Variants in MAPK10 observed in about 807,000 individuals in gnomAD.
The protein encoded by MAPK10 is mitogen-activated protein kinase 10.
A neutral mutation model predicts 59.3 loss-of-function variants in MAPK10; 25 were observed. The ratio of observed to expected loss-of-function variants is 0.42; its 90% CI spans 0.31 to 0.59. The LOEUF (loss-of-function observed/expected upper bound fraction) is 0.59, where lower values mean the gene tolerates loss of function less well. Among genes scored for constraint, MAPK10 ranks in the 20% least tolerant of loss-of-function variants. The probability of loss-of-function intolerance (pLI) is 0.15; values close to 1 mark genes in which losing one functional copy is unlikely to be tolerated. For missense variants in MAPK10, 351 were observed against 568.9 expected, an observed-to-expected ratio of 0.62 and a Z score of 3.90; for synonymous variants, 190 against 200.5, an observed-to-expected ratio of 0.95 and a Z score of 0.44.
At chr4:86,353,789 A>C (rs1054207511) in intron 2 of MAPK10, among the ~76,000 whole-genome samples, 3 of 152,140 alleles carry the variant, frequency 2.0e-5, no homozygotes, top group Non-Finnish European at 2.9e-5. Flanking sequence ...GGAGTCTTAT[A>C]AGCACCACAG....
intron 2 of MAPK10, chr4:86,219,837 G>A (rs1008209353): frequency 2.6e-5 from 4 of 152,074 alleles, no homozygotes; most frequent in African/African-American, 9.7e-5. Context: ...ACCAAAGCAA[G>A]TTATAGTTAT....
chr4:86,284,615 A>G (rs1218226971), intron 2 of MAPK10, among the ~76,000 whole-genome samples: 1 of 152,210 alleles, frequency 6.6e-6, no homozygotes, highest in Non-Finnish European at 1.5e-5. Context: ...GTTTATTATA[A>G]ACAAGATCTA....
intron 4 of MAPK10, among the ~76,000 whole-genome samples, chr4:86,121,904 C>T (rs1430562104): frequency 6.6e-6 from 1 of 152,120 alleles, no homozygotes; most frequent in Non-Finnish European, 1.5e-5. Context: ...CACTGGTAAC[C>T]ACCATTCTAT....
chr4:86,072,097 A>G (rs2048144863), intron 9 of MAPK10, among the ~76,000 whole-genome samples: 1 of 149,860 alleles, frequency 6.7e-6, no homozygotes, highest in South Asian at 2.1e-4. Context: ...CTCCTTGAAG[A>G]GGTCCTTCAC....
chr4:86,452,197 C>T (rs1406894610), intron 1 of MAPK10, among the ~76,000 whole-genome samples: 6 of 152,106 alleles, frequency 3.9e-5, no homozygotes, highest in African/African-American at 1.2e-4. Context: ...AGAACTAAAG[C>T]CATGGTTAGG....
At chr4:86,580,894 C>A (rs948143706) in intron 1 of MAPK10, among the ~76,000 whole-genome samples, 3 of 152,118 alleles carry the variant, frequency 2.0e-5, no homozygotes, top group African/African-American at 7.2e-5. Flanking sequence ...TCTCTACTTC[C>A]TGCGGATAAA....
intron 1 of MAPK10, among the ~76,000 whole-genome samples, chr4:86,498,129 A>AT (rs1419640246): frequency 6.6e-6 from 1 of 152,232 alleles, no homozygotes; most frequent in Non-Finnish European, 1.5e-5. Context: ...CAGTGGCCTT[A>AT]TGCCACAGTT....
chr4:86,303,908 T>G (rs1052045800), intron 2 of MAPK10, among the ~76,000 whole-genome samples: 1 of 152,186 alleles, frequency 6.6e-6, no homozygotes, highest in African/African-American at 2.4e-5. Flanking sequence ...TACGAAATCA[T>G]AGAATAGTCT....
chr4:86,475,968 T>C (rs972071980), intron 1 of MAPK10, among the ~76,000 whole-genome samples: 4 of 152,102 alleles, frequency 2.6e-5, no homozygotes, highest in Non-Finnish European at 5.9e-5. Flanking sequence ...TCGACAGTGG[T>C]TCCAAATAGC....
chr4:86,205,990 G>A (rs1010059701), intron 2 of MAPK10, among the ~76,000 whole-genome samples: 2 of 151,546 alleles, frequency 1.3e-5, no homozygotes, highest in South Asian at 2.1e-4. Context: ...ATTGGCATAC[G>A]AATTGAAAAA....
rs550221992 is a variant in MAPK10, at chr4:86,260,892, G to A, written c.-6-66485C>T. Among the ~76,000 whole-genome samples, 22 of 152,188 alleles carry A rather than the reference G, an allele frequency of 1.4e-4. No individual in the cohort carries two copies. In the East Asian group the frequency reaches 4.2e-3, roughly 29 times the overall value. ...TACTATGCAAGGCATTGCATTATAT[G>A]CTGTGGATGCAATGAAGAGATAAAC... On this transcript the variant is annotated intron_variant, in intron 2 of 13. Transcript: ENST00000641462.
chr4:86,590,471 G>A (rs1487198733), intron 1 of MAPK10, among the ~76,000 whole-genome samples: 1 of 152,052 alleles, frequency 6.6e-6, no homozygotes, highest in African/African-American at 2.4e-5. Flanking sequence ...AAAGTATCCT[G>A]TTGGACATTT....
rs77372610 is a variant in MAPK10, at chr4:86,541,439, G to A, written c.-263+52471C>T. Among the ~76,000 whole-genome samples, 912 of 152,238 alleles carry A rather than the reference G, an allele frequency of 6.0e-3. 13 individuals are homozygous for A. The highest frequency in any genetic ancestry group is 0.02 in the African/African-American group (850 of 41,532). On this transcript the variant is annotated intron_variant, in intron 1 of 4. Coordinates refer to the MAPK10 transcript ENST00000502302. ...GCCTTCCTTGCAGCAGGGTGGTAGCGTGAGCTTTTTCTATTCCCAAAGACC... is the reference window on the plus strand; with the variant it reads ...GCCTTCCTTGCAGCAGGGTGGTAGCATGAGCTTTTTCTATTCCCAAAGACC...
At chr4:86,128,267 G>A (rs1317041290) in intron 4 of MAPK10, among the ~76,000 whole-genome samples, 1 of 152,044 alleles carries the variant, frequency 6.6e-6, no homozygotes, top group East Asian at 1.9e-4. Context: ...AAAACCATAT[G>A]AAGTAAGTAT....
At chr4:86,505,193 C>T (rs1227910523) in intron 1 of MAPK10, among the ~76,000 whole-genome samples, 1 of 152,116 alleles carries the variant, frequency 6.6e-6, no homozygotes, top group Non-Finnish European at 1.5e-5. Context: ...ATTTAATACA[C>T]ATTTTTTCAA....
chr4:86,385,764 C>G (rs991656797), intron 1 of MAPK10, among the ~76,000 whole-genome samples: 1 of 152,116 alleles, frequency 6.6e-6, no homozygotes, highest in Non-Finnish European at 1.5e-5. Flanking sequence ...ACCCAACACT[C>G]CATTAAAATT....
intron 3 of MAPK10, among the ~76,000 whole-genome samples, chr4:86,183,239 G>C (rs993425418): frequency 6.6e-6 from 1 of 151,792 alleles, no homozygotes; most frequent in African/African-American, 2.4e-5. Flanking sequence ...GCTGCACTCA[G>C]TAACTCGTCA....
At chr4:86,295,793 T>A (rs747161825) in intron 2 of MAPK10, among the ~76,000 whole-genome samples, 1 of 147,512 alleles carries the variant, frequency 6.8e-6, no homozygotes, top group Non-Finnish European at 1.5e-5. Flanking sequence ...TTCTCTATAT[T>A]TCCCATCCTC....
chr4:86,383,800 A>C (rs1326820594), intron 1 of MAPK10, among the ~76,000 whole-genome samples: 1 of 152,208 alleles, frequency 6.6e-6, no homozygotes, highest in Middle Eastern at 3.2e-3. Flanking sequence ...CATTTACAAA[A>C]AGAAAACTTA....
Sources: allele counts gnomAD v4.1 joint callset (sites outside exome capture counted in the v4.1 genomes callset), GRCh38; gene constraint gnomAD v4.1.1; transcripts MANE v1.5; gene names NCBI Gene and HGNC (gene_info 2026-07-23, HGNC 2026-07-21).